Variants in ARMC8 observed in about 807,000 individuals in gnomAD.
The protein encoded by ARMC8 is armadillo repeat containing 8, also known as armadillo repeat-containing protein 8.
In ARMC8, 20 loss-of-function variants were observed where a neutral mutation model predicts 99.3. The ratio of observed to expected loss-of-function variants is 0.20; its 90% confidence interval spans 0.14 to 0.29. The LOEUF is 0.29. ARMC8 is among the 10% of genes least tolerant of loss of function. The pLI is 1.00. For synonymous variants in ARMC8, 263 were observed against 278.3 expected (o/e 0.95, Z 0.55); for missense variants, 569 against 809.5 (o/e 0.70, Z 3.60).
intron 14 of ARMC8, 46 bp from the exon 15 acceptor site, chr3:138,267,109 C>CT (rs1450538260): frequency 2.0e-6 from 2 of 979,772 alleles, no homozygotes; most frequent in Non-Finnish European, 3.0e-6. Context: ...TATATCTCAT[C>CT]TTCATCATTC....
chr3:138,244,006 A>G (rs1184969219), intron 11 of ARMC8, among the ~76,000 whole-genome samples: 1 of 152,206 alleles, frequency 6.6e-6, no homozygotes, highest in Non-Finnish European at 1.5e-5. Flanking sequence ...ATAGTCAGTC[A>G]TTGAAAGTAT....
intron 6 of ARMC8, among the ~76,000 whole-genome samples, chr3:138,233,240 G>A (rs1252281720): frequency 1.3e-5 from 2 of 152,146 alleles, no homozygotes; most frequent in Non-Finnish European, 2.9e-5. Flanking sequence ...TGAGGTGGGA[G>A]GAAAGGGAGC....
At chr3:138,235,746 A>G (rs2046296769) in intron 7 of ARMC8, among the ~76,000 whole-genome samples, 1 of 149,748 alleles carries the variant, frequency 6.7e-6, no homozygotes, top group Non-Finnish European at 1.5e-5. Flanking sequence ...ACAGGGAAGC[A>G]GTCATTTTTG....
At chr3:138,283,124 T>C (rs1259692396) in intron 18 of ARMC8, among the ~76,000 whole-genome samples, 1 of 152,234 alleles carries the variant, frequency 6.6e-6, no homozygotes, top group African/African-American at 2.4e-5. Flanking sequence ...TCATGTCTAC[T>C]GTGTCTCAGA....
chr3:138,245,367 A>G lies in ARMC8; in HGVS notation c.1134+184A>G, dbSNP rs1473987365. 1.3e-5 allele frequency: 19 copies of G among 1,447,472 alleles called. No homozygotes were observed. In the East Asian group the frequency reaches 2.7e-4, roughly 21 times the overall value. The allele number at this position is 1,447,472 out of a possible 1,614,324, so 89.7% of individuals were successfully genotyped here. On this transcript the variant is annotated intron_variant, in intron 12 of 21. Transcript: ENST00000469044. ...TGGGGGGTTGTTTGTTTGTTTTTAGAACATAGAGTGGCATGGCCGTGCTGG... is the reference window on the plus strand; with the variant it reads ...TGGGGGGTTGTTTGTTTGTTTTTAGGACATAGAGTGGCATGGCCGTGCTGG...
chr3:138,268,273 GA>G (rs1268912977), intron 15 of ARMC8, among the ~76,000 whole-genome samples: 1 of 152,126 alleles, frequency 6.6e-6, no homozygotes, highest in African/African-American at 2.4e-5. Flanking sequence ...AAACAAGATG[GA>G]GGTTCAGAAA....
chr3:138,282,598 A>G (rs2050039112), intron 18 of ARMC8, among the ~76,000 whole-genome samples: 1 of 147,442 alleles, frequency 6.8e-6, no homozygotes, highest in Admixed American at 6.9e-5. Context: ...GTGAGCCCAG[A>G]TGCACTCTAG....
intron 15 of ARMC8, 112 bp downstream of exon 15, chr3:138,267,353 C>G: frequency 5.0e-6 from 3 of 604,100 alleles, no homozygotes; most frequent in Non-Finnish European, 5.6e-6. Context: ...AAAACTACTT[C>G]GGAATTGTTT....
intron 14 of ARMC8, 26 bp from the exon 15 acceptor site, chr3:138,267,129 A>G (rs754106252): frequency 5.1e-6 from 6 of 1,183,194 alleles, no homozygotes; most frequent in Non-Finnish European, 6.0e-6. Context: ...CCAAATCATT[A>G]GTAGTATCCT....
intron 12 of ARMC8, chr3:138,262,395 A>G (rs1234160668): frequency 7.7e-6 from 7 of 912,174 alleles, no homozygotes; most frequent in Non-Finnish European, 1.2e-5. Context: ...TACAGCTAAA[A>G]TGTGGTTCCC....
chr3:138,224,729 G>A (rs548939854), intron 5 of ARMC8, among the ~76,000 whole-genome samples: 6 of 152,288 alleles, frequency 3.9e-5, no homozygotes, highest in African/African-American at 1.4e-4. Context: ...CAGCCTGGGC[G>A]ACAGGGCAGA....
chr3:138,226,632 A>G (rs1372472303), intron 5 of ARMC8, among the ~76,000 whole-genome samples: 1 of 152,160 alleles, frequency 6.6e-6, no homozygotes, highest in Admixed American at 6.5e-5. Flanking sequence ...TCATATTGTA[A>G]TGTTTGCAAA....
At chr3:138,271,599 C>G (rs2048792623) in intron 16 of ARMC8, among the ~76,000 whole-genome samples, 1 of 152,152 alleles carries the variant, frequency 6.6e-6, no homozygotes, top group South Asian at 2.1e-4. Context: ...GCTGTGTTTT[C>G]TCTCTGCAAA....
At chr3:138,197,278 C>A (rs760660481) in intron 1 of ARMC8, among the ~76,000 whole-genome samples, 1 of 152,142 alleles carries the variant, frequency 6.6e-6, no homozygotes, top group African/African-American at 2.4e-5. Context: ...AAATGATGGG[C>A]TGAGTCTGAG....
At chr3:138,210,560 A>T (rs906683612) in intron 2 of ARMC8, among the ~76,000 whole-genome samples, 2 of 152,152 alleles carry the variant, frequency 1.3e-5, no homozygotes, top group African/African-American at 4.8e-5. Context: ...GTCTAGACTA[A>T]GGCTTATCAT....
Position 138,233,848 on chromosome 3 carries a change from T to C in ARMC8, c.529-1186T>C, listed in dbSNP as rs1023312357. ...CAACCTTTGTGATATTTTTCTCTTC[T>C]GAGTGATGATAAGCATGAAATATCA... On this transcript the variant is annotated intron_variant, in intron 6 of 21. Coordinates refer to ENST00000469044, the MANE Select transcript of ARMC8 (RefSeq NM_001363941.2). Among the ~76,000 whole-genome samples the C allele has an allele frequency of 3.4e-4, 52 of 152,342 alleles. No individual in the cohort carries two copies. In the Middle Eastern group the frequency reaches 0.024, roughly 70 times the overall value.
At chr3:138,246,098 G>C (rs2108195985) in intron 12 of ARMC8, 1 of 985,290 alleles carries the variant, frequency 1.0e-6, no homozygotes, top group Middle Eastern at 5.2e-4. Flanking sequence ...ATGATTCAGA[G>C]AAGTTCTTCA....
intron 1 of ARMC8, among the ~76,000 whole-genome samples, chr3:138,197,333 A>C (rs1256605655): frequency 6.6e-6 from 1 of 152,222 alleles, no homozygotes; most frequent in Non-Finnish European, 1.5e-5. Context: ...TACTGCCTGT[A>C]AGAATCTGAA....
At chr3:138,237,661 C>G (rs974732037) in intron 9 of ARMC8, 89 bp downstream of exon 9, 64 of 1,025,744 alleles carry the variant, frequency 6.2e-5, no homozygotes, top group Non-Finnish European at 8.3e-5. Context: ...TGCTTCCAAT[C>G]CCCATTTTAT....
Sources: gnomAD v4.1 joint callset for allele counts (sites outside exome capture counted in the v4.1 genomes callset) on GRCh38, gnomAD v4.1.1 for gene constraint, MANE v1.5 for transcripts, NCBI Gene and HGNC (gene_info 2026-07-23, HGNC 2026-07-21) for gene names.